CES5A: variants seen among roughly 807,000 people sequenced by gnomAD.
CES5A encodes carboxylesterase 5.
CES5A carries 67 observed loss-of-function variants against 62.9 expected under a neutral mutation model. The observed-to-expected ratio is 1.07, with a 90% confidence interval of 0.88 to 1.31. CES5A has a LOEUF of 1.31. Among genes scored for constraint, CES5A ranks in the 50% most tolerant of loss-of-function variants. The pLI is 0.00. For synonymous variants in CES5A, 296 were observed against 280.8 expected (o/e 1.05, Z -0.54); for missense variants, 748 against 708.5 (o/e 1.06, Z -0.63).
chr16:55,915,532 G>A (rs1277701938), intron 1 of CES5A, among the ~76,000 whole-genome samples: 1 of 152,114 alleles, frequency 6.6e-6, no homozygotes, highest in African/African-American at 2.4e-5. Context: ...GGGAAGAGTT[G>A]GAGGAGAAAT....
At chr16:55,873,419 G>C (rs1280120686) in intron 2 of CES5A, among the ~76,000 whole-genome samples, 2 of 152,104 alleles carry the variant, frequency 1.3e-5, no homozygotes. Flanking sequence ...CACCCAGTCT[G>C]ACCATAGAGC....
intron 1 of CES5A, among the ~76,000 whole-genome samples, chr16:55,923,368 T>C (rs988096875): frequency 1.3e-5 from 2 of 151,292 alleles, no homozygotes; most frequent in Non-Finnish European, 3.0e-5. Flanking sequence ...ACAAAAAGAT[T>C]ATAAGAAACT....
At chr16:55,955,204 T>G (rs551444552) in intron 1 of CES5A, among the ~76,000 whole-genome samples, 15 of 152,054 alleles carry the variant, frequency 9.9e-5, no homozygotes, top group African/African-American at 3.6e-4. Context: ...CTTCCTTAAC[T>G]TTTTTTTCCC....
chr16:55,882,839 C>T (rs1232403849), intron 1 of CES5A, among the ~76,000 whole-genome samples: 1 of 152,146 alleles, frequency 6.6e-6, no homozygotes, highest in African/African-American at 2.4e-5. Flanking sequence ...CTCTGGAGCA[C>T]AAAGCCTCCA....
intron 1 of CES5A, among the ~76,000 whole-genome samples, chr16:55,894,498 C>CAAAAAAAAA (rs370359945): frequency 1.7e-4 from 17 of 102,840 alleles, no homozygotes; most frequent in Non-Finnish European, 2.2e-4. Flanking sequence ...AACTCTGTCT[C>CAAAAAAAAA]AAAAAAAAAA....
chr16:55,887,382 C>CAA (rs202239600), intron 1 of CES5A, among the ~76,000 whole-genome samples: 1,608 of 91,152 alleles, frequency 0.018, 12 homozygotes, highest in Middle Eastern at 0.028. Context: ...GGACCAGAGG[C>CAA]AAAAAAAAAA....
intron 2 of CES5A, among the ~76,000 whole-genome samples, chr16:55,945,185 A>G (rs1266567070): frequency 6.7e-6 from 1 of 150,120 alleles, no homozygotes; most frequent in African/African-American, 2.5e-5. Flanking sequence ...ACATTATCTG[A>G]TTTAATGCCC....
chr16:55,897,165 T>C (rs1362397), intron 1 of CES5A, among the ~76,000 whole-genome samples: 108,761 of 151,246 alleles, frequency 0.72, 39,108 homozygotes, highest in Non-Finnish European at 0.73. Context: ...ATTCTACTTG[T>C]TACATCCAAG....
chr16:55,915,559 G>A (rs1468821498), intron 1 of CES5A, among the ~76,000 whole-genome samples: 4 of 152,100 alleles, frequency 2.6e-5, no homozygotes, highest in African/African-American at 4.8e-5. Flanking sequence ...TGGGGTTGGA[G>A]GGGAGGGCAG....
intron 2 of CES5A, among the ~76,000 whole-genome samples, chr16:55,943,774 A>G (rs977251018): frequency 1.3e-5 from 2 of 152,146 alleles, no homozygotes; most frequent in Middle Eastern, 3.2e-3. Context: ...AGTACACAGA[A>G]CAGAAAGACA....
At position 55,869,635 on chromosome 16, in the gene CES5A, C is replaced by T. The variant is rs777727565; in HGVS notation, c.527G>A (p.Arg176Gln). The T allele has an allele frequency of 2.9e-5, 47 of 1,613,684 alleles. No individual in the cohort carries two copies. The highest frequency in any genetic ancestry group is 1.6e-4 in the East Asian group (7 of 44,860). ...CGTGAAGAAACCAAATATTCCTAGC[C>T]GGTACTGGACGACCACAACCAGCAC... Reference protein sequence around the residue: ...EDVLVVVVQYRLGIFGFFTTW... With the variant: ...EDVLVVVVQYQLGIFGFFTTW... The change falls in exon 4 of 13, where the codon CGG becomes CAG. Residue 176 changes from arginine (R) to glutamine (Q), a missense_variant. Physicochemically the swap from Arg to Gln is conservative, Grantham distance 43. Coordinates refer to ENST00000290567, the MANE Select transcript of CES5A (RefSeq NM_001143685.2).
chr16:55,875,016 T>C (rs2033668557), intron 1 of CES5A, 133 bp downstream of exon 1: 1 of 920,186 alleles, frequency 1.1e-6, no homozygotes, highest in Non-Finnish European at 1.8e-6. Flanking sequence ...AGCAGAATAC[T>C]GATGCCATCA....
chr16:55,934,421 G>A lies in CES5A; in HGVS notation c.160+15364C>T, dbSNP rs536666870. ...GTCTCTGGACCATAGTAGGTGCTCA[G>A]TAAATATCTATTAATTTAATATCAG... On this transcript the variant is annotated intron_variant, in intron 2 of 13. Transcript: ENST00000521992. 7.2e-5 allele frequency among the ~76,000 whole-genome samples: 11 copies of A among 152,302 alleles called. No individual in the cohort carries two copies. The East Asian group carries it at 2.1e-3, about 29-fold the overall frequency.
chr16:55,860,259 C>A (rs2033327586), intron 7 of CES5A, among the ~76,000 whole-genome samples: 1 of 152,134 alleles, frequency 6.6e-6, no homozygotes, highest in Non-Finnish European at 1.5e-5. Context: ...GTTTATTAAA[C>A]CTCTTTCCTT....
At chr16:55,868,951 C>G (rs2033525855) in intron 4 of CES5A, among the ~76,000 whole-genome samples, 1 of 152,230 alleles carries the variant, frequency 6.6e-6, no homozygotes, top group Admixed American at 6.5e-5. Flanking sequence ...GGCAAGTGCA[C>G]AGCCCCATGG....
At chr16:55,911,787 G>T (rs1329413541) in intron 1 of CES5A, among the ~76,000 whole-genome samples, 2 of 152,112 alleles carry the variant, frequency 1.3e-5, no homozygotes, top group Non-Finnish European at 2.9e-5. Context: ...CGCAGAACTG[G>T]GCCAGAATCC....
At chr16:55,916,489 TGGAG>T (rs1410558429) in intron 1 of CES5A, among the ~76,000 whole-genome samples, 6 of 152,230 alleles carry the variant, frequency 3.9e-5, no homozygotes, top group African/African-American at 1.4e-4. Context: ...AGAAGCAAGA[TGGAG>T]TCAGCCATGT....
intron 10 of CES5A, 112 bp from the exon 11 acceptor site, chr16:55,849,885 A>G: frequency 8.7e-7 from 1 of 1,145,168 alleles, no homozygotes; most frequent in Non-Finnish European, 1.2e-6. Context: ...GGGACAGCTC[A>G]GAGACAGCTC....
At chr16:55,881,672 A>G (rs1448295376) in intron 1 of CES5A, among the ~76,000 whole-genome samples, 1 of 152,162 alleles carries the variant, frequency 6.6e-6, no homozygotes, top group East Asian at 1.9e-4. Context: ...AAATAAATAC[A>G]TCTCCTAGAA....
Sources: gnomAD v4.1 joint callset for allele counts (sites outside exome capture counted in the v4.1 genomes callset) on GRCh38, gnomAD v4.1.1 for gene constraint, MANE v1.5 for transcripts, NCBI Gene and HGNC (gene_info 2026-07-23, HGNC 2026-07-21) for gene names.